The following PDZD2 variants were observed in gnomAD, a reference collection of about 807,000 sequenced individuals.
The protein encoded by PDZD2 is PDZ domain containing 2.
PDZD2 carries 90 observed loss-of-function variants against 220.7 expected under a neutral mutation model. That is an observed-to-expected ratio of 0.41 (90% CI 0.34 to 0.49). The LOEUF (loss-of-function observed/expected upper bound fraction) is 0.49. PDZD2 is among the 20% of genes least tolerant of loss of function. The pLI is 0.28. For missense variants in PDZD2, 3,174 were observed against 3,608.5 expected, an observed-to-expected ratio of 0.88 and a Z score of 3.08; for synonymous variants, 1,375 against 1,450.5, an observed-to-expected ratio of 0.95 and a Z score of 1.18.
chr5:32,002,965 C>CAAACACACACA (rs1752372870), intron 5 of PDZD2, among the ~76,000 whole-genome samples: 2 of 121,766 alleles, frequency 1.6e-5, no homozygotes, highest in Non-Finnish European at 3.5e-5. Context: ...CACACACACA[C>CAAACACACACA]CAACACACAC....
intron 2 of PDZD2, 131 bp downstream of exon 2, chr5:31,799,855 C>A (rs1294287943): frequency 1.4e-5 from 9 of 661,642 alleles, no homozygotes; most frequent in African/African-American, 9.0e-5. Context: ...CTCATTTAAA[C>A]CCCCTCATCC....
At chr5:31,729,072 A>G (rs1749351845) in intron 1 of PDZD2, among the ~76,000 whole-genome samples, 1 of 149,420 alleles carries the variant, frequency 6.7e-6, no homozygotes, top group South Asian at 2.1e-4. Context: ...AATGAGATAC[A>G]TAGCCTTACA....
intron 2 of PDZD2, among the ~76,000 whole-genome samples, chr5:31,835,161 G>C (rs536351782): frequency 6.6e-6 from 1 of 152,298 alleles, no homozygotes; most frequent in South Asian, 2.1e-4. Context: ...AATCACTGCT[G>C]TGCTGACTTC....
At chr5:31,714,792 C>A (rs185768746) in intron 1 of PDZD2, among the ~76,000 whole-genome samples, 1 of 152,166 alleles carries the variant, frequency 6.6e-6, no homozygotes, top group Admixed American at 6.5e-5. Flanking sequence ...GGCGCAGTTG[C>A]TCACGCCTGT....
intron 4 of PDZD2, among the ~76,000 whole-genome samples, chr5:31,996,796 A>G (rs576317128): frequency 6.6e-6 from 1 of 152,338 alleles, no homozygotes; most frequent in South Asian, 2.1e-4. Flanking sequence ...TGGGAGGATC[A>G]CTTGAGCCCG....
chr5:31,875,445 G>A (rs1329842984), intron 2 of PDZD2, among the ~76,000 whole-genome samples: 1 of 151,630 alleles, frequency 6.6e-6, no homozygotes, highest in Non-Finnish European at 1.5e-5. Context: ...AATTAGCTGG[G>A]CGTGGTCGCT....
intron 2 of PDZD2, among the ~76,000 whole-genome samples, chr5:31,894,396 T>G (rs948594090): frequency 6.6e-6 from 1 of 152,074 alleles, no homozygotes; most frequent in East Asian, 1.9e-4. Flanking sequence ...ATTTCAACAG[T>G]GGTCTCAGTC....
chr5:31,986,056 CAA>C (rs1750688407), intron 3 of PDZD2, among the ~76,000 whole-genome samples: 1 of 100,222 alleles, frequency 1.0e-5, no homozygotes, highest in South Asian at 3.2e-4. Context: ...GCTTGGGCAA[CAA>C]GAGCGAAACT....
At chr5:31,656,697 G>A (rs935192440) in intron 1 of PDZD2, among the ~76,000 whole-genome samples, 1 of 152,130 alleles carries the variant, frequency 6.6e-6, no homozygotes, top group African/African-American at 2.4e-5. Flanking sequence ...AAATCCCAAG[G>A]TTTCAGTACC....
chr5:31,783,248 G>A lies in PDZD2; in HGVS notation c.-360-15641G>A, dbSNP rs1045347116. On this transcript the variant is annotated intron_variant, in intron 1 of 24. Transcript: ENST00000438447. ...ACTTGGGAACACCAGAAGCATGCAC[G>A]CGTCTTTCTTTCCATTTTTTTTTCT... Among the ~76,000 whole-genome samples the A allele has an allele frequency of 9.2e-5, 14 of 152,076 alleles. No homozygotes were observed. In the East Asian group the frequency reaches 1.2e-3, roughly 13 times the overall value.
chr5:32,057,619 G>A (rs375902070), intron 10 of PDZD2, 36 bp from the exon 11 acceptor site: 2 of 1,224,654 alleles, frequency 1.6e-6, no homozygotes, highest in African/African-American at 3.0e-5. Flanking sequence ...GAAATTAAAG[G>A]CTAATGTTAA....
chr5:32,003,176 ATACAC>A (rs1483446616), intron 5 of PDZD2, among the ~76,000 whole-genome samples: 30 of 54,834 alleles, frequency 5.5e-4, no homozygotes, highest in East Asian at 1.1e-3. Context: ...ACCACACACC[ATACAC>A]CACACACACA....
At position 32,110,876 on chromosome 5, in the gene PDZD2, G is replaced by A. The variant is rs1009064237; in HGVS notation, c.*2741G>A. 7.2e-5 allele frequency: 11 copies of A among 151,854 alleles called. No individual in the cohort carries two copies. The highest frequency in any genetic ancestry group is 2.6e-4 in the Admixed American group (4 of 15,232). The allele number at this position is 151,854 out of a possible 1,614,324, so 9.4% of individuals were successfully genotyped here. ...CCAAGTTATATAAATCCACATCTCT[G>A]TAAACAACCTTTTTTAAGTAATTTT... On this transcript the variant is annotated 3_prime_UTR_variant, in exon 25 of 25. Transcript: ENST00000438447.
At chr5:32,037,117 A>T in intron 6 of PDZD2, 114 bp from the exon 7 acceptor site, 1 of 665,380 alleles carries the variant, frequency 1.5e-6, no homozygotes, top group Non-Finnish European at 2.6e-6. Flanking sequence ...CCTTCTTCTC[A>T]CATAACACCT....
intron 24 of PDZD2, among the ~76,000 whole-genome samples, chr5:32,106,790 G>T (rs1744804329): frequency 6.6e-6 from 1 of 152,130 alleles, no homozygotes; most frequent in African/African-American, 2.4e-5. Flanking sequence ...TGGTTCTTTG[G>T]TCCTTCCAAA....
At chr5:32,008,431 C>T (rs1336437911) in intron 5 of PDZD2, among the ~76,000 whole-genome samples, 1 of 151,862 alleles carries the variant, frequency 6.6e-6, no homozygotes, top group Non-Finnish European at 1.5e-5. Flanking sequence ...CAGTTGCCCG[C>T]CCACCACACC....
chr5:31,934,956 G>A (rs771266500), intron 2 of PDZD2, among the ~76,000 whole-genome samples: 188 of 151,904 alleles, frequency 1.2e-3, no homozygotes, highest in Non-Finnish European at 2.1e-3. Context: ...GCATGGTGGC[G>A]GGCGCCTGTA....
chr5:31,972,466 T>C (rs1190276626), intron 2 of PDZD2, among the ~76,000 whole-genome samples: 2 of 152,102 alleles, frequency 1.3e-5, no homozygotes, highest in African/African-American at 4.8e-5. Context: ...ACACACCTTA[T>C]AGATGGATGC....
intron 1 of PDZD2, among the ~76,000 whole-genome samples, chr5:31,698,509 G>T (rs1440118499): frequency 4.6e-5 from 7 of 150,918 alleles, no homozygotes; most frequent in Admixed American, 2.6e-4. Context: ...TGAGGCAGGA[G>T]AATGGCGGGA....
Sources: allele counts gnomAD v4.1 joint callset (sites outside exome capture counted in the v4.1 genomes callset), GRCh38; gene constraint gnomAD v4.1.1; transcripts MANE v1.5; gene names NCBI Gene and HGNC (gene_info 2026-07-23, HGNC 2026-07-21).